The following ADAM23 variants were observed in gnomAD, a reference collection of about 807,000 sequenced individuals.
The protein encoded by ADAM23 is disintegrin and metalloproteinase domain-containing protein 23.
A neutral mutation model predicts 120.1 loss-of-function variants in ADAM23; 33 were observed. The ratio of observed to expected loss-of-function variants is 0.27; its 90% confidence interval spans 0.21 to 0.37. ADAM23 has a LOEUF of 0.37. ADAM23 is among the 10% of genes least tolerant of loss of function. ADAM23 has a pLI of 1.00. For synonymous variants in ADAM23, 367 were observed against 375.2 expected (o/e 0.98, Z 0.25); for missense variants, 862 against 1,058.2 (o/e 0.81, Z 2.57).
At chr2:206,449,572 A>G (rs1159862054) in intron 2 of ADAM23, among the ~76,000 whole-genome samples, 1 of 152,234 alleles carries the variant, frequency 6.6e-6, no homozygotes, top group East Asian at 1.9e-4. Flanking sequence ...GTTTGAGACC[A>G]GCCTGGTCAA....
In ADAM23 at chr2:206,550,345, T is replaced by C. The variant is rs77578029; in HGVS notation, c.933+185T>C. On this transcript the variant is annotated intron_variant, in intron 9 of 25. Transcript: ENST00000264377. ...TTATAGAATTTTCACAACTCTAAAC[T>C]TTCCTTACATTTAATAATTATAATT... 5.3e-5 allele frequency among the ~76,000 whole-genome samples: 8 copies of C among 152,264 alleles called. No homozygotes were observed. The East Asian group carries it at 1.3e-3, about 26-fold the overall frequency.
intron 25 of ADAM23, among the ~76,000 whole-genome samples, chr2:206,614,925 T>A (rs997255249): frequency 6.6e-6 from 1 of 152,094 alleles, no homozygotes; most frequent in African/African-American, 2.4e-5. Flanking sequence ...CACTTTCTCT[T>A]TCATGGTACC....
intron 3 of ADAM23, among the ~76,000 whole-genome samples, chr2:206,524,475 A>G (rs1365017841): frequency 6.6e-6 from 1 of 152,190 alleles, no homozygotes; most frequent in Non-Finnish European, 1.5e-5. Flanking sequence ...GGCTTTCCTA[A>G]AACAGTGGCT....
intron 9 of ADAM23, among the ~76,000 whole-genome samples, chr2:206,554,169 G>A (rs2105816814): frequency 6.6e-6 from 1 of 151,082 alleles, no homozygotes; most frequent in South Asian, 2.1e-4. Flanking sequence ...ATTTAACGTT[G>A]GCTGCCTGAA....
chr2:206,487,158 A>G (rs529686613), intron 3 of ADAM23, among the ~76,000 whole-genome samples: 20 of 152,172 alleles, frequency 1.3e-4, no homozygotes, highest in South Asian at 2.1e-4. Flanking sequence ...TTTGTTGACA[A>G]TGAATTATTA....
chr2:206,577,356 C>G (rs1474576324), intron 18 of ADAM23, among the ~76,000 whole-genome samples: 3 of 145,740 alleles, frequency 2.1e-5, no homozygotes, highest in Non-Finnish European at 4.5e-5. Context: ...TGGTGCGCTG[C>G]ACCCACTAAC....
intron 11 of ADAM23, 135 bp downstream of exon 11, chr2:206,560,253 TAAG>T: frequency 1.1e-6 from 1 of 927,940 alleles, no homozygotes; most frequent in Non-Finnish European, 1.6e-6. Flanking sequence ...GTCTGTTAGA[TAAG>T]AAGCATGGAG....
intron 9 of ADAM23, among the ~76,000 whole-genome samples, chr2:206,555,130 C>T (rs1433326560): frequency 6.6e-6 from 1 of 152,070 alleles, no homozygotes. Context: ...ACTCGTTATT[C>T]CCTACTTTTA....
Position 206,592,741 on chromosome 2 carries a change from C to T in ADAM23, c.2078+5C>T. 2 of 1,613,556 alleles carry T rather than the reference C, an allele frequency of 1.2e-6. No homozygotes were observed. Among genetic ancestry groups the T allele is most frequent in the Non-Finnish European group, 1.7e-6 (2 of 1,179,770 alleles). ...AGGCCGGGTGATTGACTGCAGGTAA[C>T]ATATTAAATATTAGAAGACCTAATA... On this transcript the variant is annotated splice_donor_5th_base_variant and intron_variant, in intron 22 of 25. Transcript: ENST00000264377.
chr2:206,473,857 A>G (rs1223860469), intron 2 of ADAM23, among the ~76,000 whole-genome samples: 2 of 151,568 alleles, frequency 1.3e-5, no homozygotes, highest in African/African-American at 2.4e-5. Flanking sequence ...AAAAATAAAT[A>G]AAAATATTAG....
intron 18 of ADAM23, among the ~76,000 whole-genome samples, chr2:206,583,269 G>A (rs1270705893): frequency 6.6e-6 from 1 of 152,026 alleles, no homozygotes; most frequent in Non-Finnish European, 1.5e-5. Context: ...CCTGGCTGAC[G>A]CAGTGAAACC....
At chr2:206,496,570 C>A (rs1352223539) in intron 3 of ADAM23, among the ~76,000 whole-genome samples, 2 of 151,664 alleles carry the variant, frequency 1.3e-5, no homozygotes, top group Non-Finnish European at 1.5e-5. Flanking sequence ...AAATTGACAC[C>A]CTAACATCAC....
rs1208085379 is a variant in ADAM23, at chr2:206,588,262, A to G, written c.1852+108A>G. 9.4e-6 allele frequency: 11 copies of G among 1,175,462 alleles called. No individual in the cohort carries two copies. In the Admixed American group the frequency reaches 2.7e-4, roughly 29 times the overall value. 72.8% of individuals were successfully genotyped at this position (1,175,462 alleles called of 1,614,324 possible). ...ATGCACAGCTTGGAGTGATGTTTTAAAAAAATCTAGAAAGGATGAGAATAA... is the reference window on the plus strand; with the variant it reads ...ATGCACAGCTTGGAGTGATGTTTTAGAAAAATCTAGAAAGGATGAGAATAA... On this transcript the variant is annotated intron_variant, in intron 20 of 25. Coordinates refer to ENST00000264377, the MANE Select transcript of ADAM23 (RefSeq NM_003812.4).
At position 206,500,008 on chromosome 2, in the gene ADAM23, T is replaced by A. The variant is rs576621493; in HGVS notation, c.509+18700T>A. 7.4e-4 allele frequency among the ~76,000 whole-genome samples: 113 copies of A among 152,282 alleles called. 1 individual carries two copies. The highest frequency in any genetic ancestry group is 2.2e-3 in the African/African-American group (93 of 41,576). ...CTACATTTTTCTTGTTTTGAGTTTA[T>A]CTCTCCTGAAGATATGCTGTTTGGA... On this transcript the variant is annotated intron_variant, in intron 3 of 25. Transcript: ENST00000264377.
At chr2:206,599,294 C>A (rs1299569459) in intron 24 of ADAM23, among the ~76,000 whole-genome samples, 1 of 151,412 alleles carries the variant, frequency 6.6e-6, no homozygotes, top group Non-Finnish European at 1.5e-5. Context: ...ACAATGGAGT[C>A]ATTGCAAAGT....
Position 206,557,481 on chromosome 2 carries a change from G to A in ADAM23, c.988G>A (p.Val330Ile), listed in dbSNP as rs1198531685. Residue 330 changes from valine (V) to isoleucine (I), a missense_variant, in exon 10 of 26, where the codon GTC becomes ATC. Around this residue, in one of 4 missense-constraint regions of ADAM23, gnomAD observed 617 missense variants for 813.5 expected, o/e 0.76. Transcript: ENST00000264377. ...AHTNNFAKSV[V>I]NLVDSIYKEQ... ...TACCAACAACTTTGCAAAGTCCGTG[G>A]TCAACCTTGTGGATTCTGTAAGTAT... The A allele has an allele frequency of 2.5e-6, 4 of 1,613,226 alleles. No individual in the cohort carries two copies. The highest frequency in any genetic ancestry group is 3.4e-6 in the Non-Finnish European group (4 of 1,179,252).
chr2:206,581,254 C>T (rs1329028035), intron 18 of ADAM23, among the ~76,000 whole-genome samples: 1 of 150,074 alleles, frequency 6.7e-6, no homozygotes, highest in African/African-American at 2.5e-5. Flanking sequence ...TGTTTTCTTT[C>T]TTCCGCTGGG....
At chr2:206,502,471 C>A (rs982119340) in intron 3 of ADAM23, among the ~76,000 whole-genome samples, 1 of 151,988 alleles carries the variant, frequency 6.6e-6, no homozygotes, top group Non-Finnish European at 1.5e-5. Context: ...ATTTTTCCAT[C>A]GACTTTGAAG....
chr2:206,512,160 A>G (rs998286987), intron 3 of ADAM23, among the ~76,000 whole-genome samples: 4 of 152,208 alleles, frequency 2.6e-5, no homozygotes, highest in African/African-American at 4.8e-5. Flanking sequence ...GATAAAGAGA[A>G]CTGATAGCCA....
Sources: gnomAD v4.1 joint callset for allele counts (sites outside exome capture counted in the v4.1 genomes callset) on GRCh38, gnomAD v4.1.1 for gene constraint, gnomAD v4.1.1 regional missense constraint, MANE v1.5 for transcripts, NCBI Gene and HGNC (gene_info 2026-07-23, HGNC 2026-07-21) for gene names.